Variants in PRKN observed in about 807,000 individuals in gnomAD.
The protein encoded by PRKN is E3 ubiquitin-protein ligase parkin.
In PRKN, 56 loss-of-function variants were observed where a neutral mutation model predicts 59.5. That is an observed-to-expected ratio of 0.94 (90% CI 0.76 to 1.18). The LOEUF (loss-of-function observed/expected upper bound fraction) is 1.18. Among genes scored for constraint, PRKN ranks in the 50% most tolerant of loss-of-function variants. PRKN has a pLI of 0.00. For missense variants in PRKN, 657 were observed against 596.4 expected, an observed-to-expected ratio of 1.10 and a Z score of -1.06; for synonymous variants, 250 against 222.1, an observed-to-expected ratio of 1.13 and a Z score of -1.12.
chr6:161,649,238 T>C (rs1472926298), intron 7 of PRKN, among the ~76,000 whole-genome samples: 3 of 152,198 alleles, frequency 2.0e-5, no homozygotes, highest in Non-Finnish European at 4.4e-5. Flanking sequence ...CTCTCTCATA[T>C]GGTCTCCTTA....
Position 162,163,450 on chromosome 6 carries a change from T to C in PRKN, c.534+37681A>G, listed in dbSNP as rs79160198. ...AAATAACATTTAAAATTCATAAATA[T>C]TGGAGGTAAAAAGAAGAAAAAAGAT... On this transcript the variant is annotated intron_variant, in intron 4 of 11. Transcript: ENST00000366898. Among the ~76,000 whole-genome samples, 1,201 of 149,278 alleles carry C rather than the reference T, an allele frequency of 8.0e-3. 88 individuals are homozygous for C. Among genetic ancestry groups the C allele is most frequent in the Non-Finnish European group, 0.014 (928 of 67,390 alleles).
chr6:162,608,951 T>G (rs1782031407), intron 1 of PRKN, among the ~76,000 whole-genome samples: 1 of 152,126 alleles, frequency 6.6e-6, no homozygotes, highest in Non-Finnish European at 1.5e-5. Flanking sequence ...TCTCCACGTT[T>G]CCTGGGAGTG....
chr6:162,519,135 A>C (rs1189660627), intron 1 of PRKN, among the ~76,000 whole-genome samples: 1 of 152,152 alleles, frequency 6.6e-6, no homozygotes, highest in Non-Finnish European at 1.5e-5. Context: ...GCACCATTGC[A>C]CTCCAGCCTG....
intron 1 of PRKN, among the ~76,000 whole-genome samples, chr6:162,557,216 G>C (rs1024254574): frequency 1.3e-5 from 2 of 152,180 alleles, no homozygotes; most frequent in African/African-American, 4.8e-5. Flanking sequence ...GCTATGAACT[G>C]CCACACTTAA....
chr6:162,339,885 G>A (rs9765905), intron 2 of PRKN, among the ~76,000 whole-genome samples: 15,903 of 146,298 alleles, frequency 0.11, 680 homozygotes, highest in Middle Eastern at 0.15. Flanking sequence ...ACTCAGGGTT[G>A]AATGGATTAA....
chr6:162,202,682 T>C (rs1402765265), intron 3 of PRKN, among the ~76,000 whole-genome samples: 1 of 152,198 alleles, frequency 6.6e-6, no homozygotes. Context: ...TCACATGTAA[T>C]ATACATGCAG....
chr6:161,735,477 C>A (rs1406672461), intron 7 of PRKN, among the ~76,000 whole-genome samples: 1 of 152,060 alleles, frequency 6.6e-6, no homozygotes, highest in African/African-American at 2.4e-5. Context: ...CGACTATTTT[C>A]GTCATCAGTA....
intron 2 of PRKN, among the ~76,000 whole-genome samples, chr6:162,276,249 C>T (rs1249300200): frequency 6.6e-6 from 1 of 152,070 alleles, no homozygotes; most frequent in Non-Finnish European, 1.5e-5. Flanking sequence ...TGTTCAAAAT[C>T]GTGAAAATGA....
chr6:161,808,894 G>A (rs192032842), intron 6 of PRKN, among the ~76,000 whole-genome samples: 13 of 152,236 alleles, frequency 8.5e-5, no homozygotes, highest in African/African-American at 2.9e-4. Flanking sequence ...AGGCTGGAGC[G>A]CGGTGGTGCG....
intron 2 of PRKN, among the ~76,000 whole-genome samples, chr6:162,428,645 G>C (rs1369393752): frequency 2.6e-5 from 4 of 151,894 alleles, no homozygotes; most frequent in Non-Finnish European, 4.4e-5. Flanking sequence ...TCTTTCCCTT[G>C]CATCTCACAA....
intron 6 of PRKN, among the ~76,000 whole-genome samples, chr6:161,924,885 A>G (rs1043650855): frequency 6.6e-6 from 1 of 152,244 alleles, no homozygotes; most frequent in African/African-American, 2.4e-5. Flanking sequence ...AAACTGTGGA[A>G]GTACCCTGTG....
At chr6:161,671,111 C>T (rs76406351) in intron 7 of PRKN, among the ~76,000 whole-genome samples, 3 of 152,232 alleles carry the variant, frequency 2.0e-5, no homozygotes, top group African/African-American at 7.2e-5. Context: ...AAATCTAATT[C>T]TGTGAGCAGG....
chr6:161,916,148 A>C (rs557914577), intron 6 of PRKN, among the ~76,000 whole-genome samples: 81 of 152,364 alleles, frequency 5.3e-4, no homozygotes, highest in Admixed American at 2.3e-3. Context: ...TTTGGTTATA[A>C]AGGACAAGAA....
At chr6:162,595,349 G>A (rs749244994) in intron 1 of PRKN, among the ~76,000 whole-genome samples, 53 of 151,216 alleles carry the variant, frequency 3.5e-4, no homozygotes, top group Non-Finnish European at 6.6e-4. Flanking sequence ...TCCGCCTCCC[G>A]GGTTCAAGCA....
chr6:162,141,164 A>G (rs1284078797), intron 4 of PRKN, among the ~76,000 whole-genome samples: 1 of 109,064 alleles, frequency 9.2e-6, no homozygotes, highest in Non-Finnish European at 1.8e-5. Flanking sequence ...AAATAAAAAT[A>G]AAAAAGATTA....
intron 7 of PRKN, among the ~76,000 whole-genome samples, chr6:161,683,099 T>C (rs2128173085): frequency 6.6e-6 from 1 of 152,290 alleles, no homozygotes; most frequent in South Asian, 2.1e-4. Context: ...CCTTTACTCA[T>C]CTGGCAAGGG....
At position 161,746,557 on chromosome 6, in the gene PRKN, T is replaced by TTA. The variant is rs1277151824; in HGVS notation, c.871+39213_871+39214dup. On this transcript the variant is annotated intron_variant, in intron 7 of 11. Transcript: ENST00000366898. ...GGGTAAGGTACATTTATCTATTTTT[T>TTA]TATATATATATATTTATATATATAT... Among the ~76,000 whole-genome samples the TTA allele has an allele frequency of 3.4e-3, 494 of 144,896 alleles. 1 individual carries two copies. Among genetic ancestry groups the TTA allele is most frequent in the African/African-American group, 0.011 (434 of 39,208 alleles).
At chr6:161,666,211 G>A (rs561504692) in intron 7 of PRKN, among the ~76,000 whole-genome samples, 2 of 152,336 alleles carry the variant, frequency 1.3e-5, no homozygotes, top group East Asian at 1.9e-4. Context: ...GTACCTGTCC[G>A]TAGCCTGTTA....
At position 161,633,307 on chromosome 6, in the gene PRKN, C is replaced by T. The variant is rs535827917; in HGVS notation, c.872-63891G>A. On this transcript the variant is annotated intron_variant, in intron 7 of 11. Coordinates refer to ENST00000366898, the MANE Select transcript of PRKN (RefSeq NM_004562.3). ...ACCCTCATGATTCCAGTTTGTCATA[C>T]TGTGTTTTTATATTCCTTCCAATTG... 5.9e-5 allele frequency among the ~76,000 whole-genome samples: 9 copies of T among 152,262 alleles called. No homozygotes were observed. In the South Asian group the frequency reaches 1.7e-3, roughly 28 times the overall value.
Sources: allele counts gnomAD v4.1 joint callset (sites outside exome capture counted in the v4.1 genomes callset), GRCh38; gene constraint gnomAD v4.1.1; transcripts MANE v1.5; gene names NCBI Gene and HGNC (gene_info 2026-07-23, HGNC 2026-07-21).